Variants in DGAT1 observed in about 807,000 individuals in gnomAD.
The protein encoded by DGAT1 is ACAT related gene product 1.
Under a neutral mutation model 72.6 loss-of-function variants are expected in DGAT1, and 60 were observed. That is an observed-to-expected ratio of 0.83 (90% CI 0.67 to 1.02). The LOEUF is 1.02. Ranked by LOEUF, DGAT1 falls within the 50% of genes least tolerant of loss-of-function variation. The pLI is 0.00. For missense variants in DGAT1, 592 were observed against 670.0 expected (o/e 0.88, Z 1.29); for synonymous variants, 290 against 267.5 (o/e 1.08, Z -0.82).
At chr8:144,321,484 C>T in intron 1 of DGAT1, 76 bp from the exon 2 acceptor site, 1 of 1,349,816 alleles carries the variant, frequency 7.4e-7, no homozygotes, top group South Asian at 1.2e-5. Flanking sequence ...TCCAGGCCCC[C>T]ACCCCAGTGT....
intron 1 of DGAT1, among the ~76,000 whole-genome samples, chr8:144,323,057 C>T (rs1316760239): frequency 1.3e-5 from 2 of 152,194 alleles, no homozygotes; most frequent in Non-Finnish European, 2.9e-5. Context: ...GGGGGCCTCT[C>T]CACTGCCCCC....
At chr8:144,319,930 G>A (rs1817398302) in intron 2 of DGAT1, among the ~76,000 whole-genome samples, 1 of 152,194 alleles carries the variant, frequency 6.6e-6, no homozygotes, top group Admixed American at 6.5e-5. Context: ...GAACACTGAG[G>A]GTGTCTTGCC....
intron 2 of DGAT1, among the ~76,000 whole-genome samples, chr8:144,320,683 G>C (rs1053035789): frequency 6.6e-6 from 1 of 152,056 alleles, no homozygotes; most frequent in Admixed American, 6.5e-5. Flanking sequence ...ACCCCACGAA[G>C]TGCCAGTGGG....
In DGAT1 at chr8:144,316,526, AGT is replaced by A. The variant is rs1817228807; in HGVS notation, c.*26_*27del. ...GCTCTGGCAGCGGGTGTGAGGTGGC[AGT>A]GAGAAGCCAGGCCCTCAGGTGCAGC... On this transcript the variant is annotated 3_prime_UTR_variant, in exon 17 of 17. Transcript: ENST00000528718. The A allele has an allele frequency of 6.4e-7, 1 of 1,560,540 alleles. No homozygotes were observed. Among genetic ancestry groups the A allele is most frequent in the Non-Finnish European group, 8.7e-7 (1 of 1,151,340 alleles).
At chr8:144,319,001 G>A (rs782357723) in intron 3 of DGAT1, 27 bp downstream of exon 3, 1 of 1,559,236 alleles carries the variant, frequency 6.4e-7, no homozygotes, top group Non-Finnish European at 8.7e-7. Context: ...GGGTGGGGCA[G>A]GGGTGGGACC....
chr8:144,315,120 GGC>G lies in DGAT1; in HGVS notation c.*1432_*1433del, dbSNP rs1206531901. On this transcript the variant is annotated 3_prime_UTR_variant, in exon 17 of 17. Transcript: ENST00000528718. ...TCAGCCTGGTGGAGGAAGGGAAGGG[GGC>G]CTGCGCTGGGCAGTGGAGCAGGCTT... 1.0e-6 allele frequency: 1 copy of G among 985,434 alleles called. No homozygotes were observed. The highest frequency in any genetic ancestry group is 1.2e-6 in the Non-Finnish European group (1 of 829,996). 61.0% of individuals were successfully genotyped at this position (985,434 alleles called of 1,614,324 possible). A position where few individuals can be genotyped will look rare whatever the true frequency, so the allele number is the denominator to read the frequency against.
At position 144,314,758 on chromosome 8, in the gene DGAT1, C is replaced by T. The variant is rs550135154; in HGVS notation, c.*1796G>A. The T allele has an allele frequency of 2.8e-5, 7 of 246,362 alleles. No individual in the cohort carries two copies. Among genetic ancestry groups the T allele is most frequent in the Admixed American group, 1.1e-4 (2 of 18,394 alleles). 15.3% of individuals were successfully genotyped at this position (246,362 alleles called of 1,614,324 possible). On this transcript the variant is annotated 3_prime_UTR_variant, in exon 17 of 17. Coordinates refer to ENST00000528718, the MANE Select transcript of DGAT1 (RefSeq NM_012079.6). ...GTGTTTCCTCTGTCCCAGGGTGGTG[C>T]GGTGGGTGGTGCTGCAATGAGGAGG...
intron 3 of DGAT1, 38 bp downstream of exon 3, chr8:144,318,990 T>C: frequency 2.4e-6 from 2 of 828,558 alleles, no homozygotes; most frequent in South Asian, 1.6e-5. Flanking sequence ...GGACAGGCCA[T>C]GGGTGGGGCA....
Position 144,315,276 on chromosome 8 carries a change from C to T in DGAT1, c.*1278G>A. On this transcript the variant is annotated 3_prime_UTR_variant, in exon 17 of 17. Coordinates refer to ENST00000528718, the MANE Select transcript of DGAT1 (RefSeq NM_012079.6). ...CATCCCCCCACCAGGAGCTCACCCA[C>T]TACTGCCATCCTCAGCAGGGCCCAA... 3 of 985,542 alleles carry T rather than the reference C, an allele frequency of 3.0e-6. No individual in the cohort carries two copies. The highest frequency in any genetic ancestry group is 2.4e-6 in the Non-Finnish European group (2 of 829,978). 61.0% of individuals were successfully genotyped at this position (985,542 alleles called of 1,614,324 possible).
In DGAT1 at chr8:144,315,383, C is replaced by A; in HGVS notation, c.*1171G>T. ...ACCAAGGGAGCCCACCCTCCCCTCA[C>A]ACCACCAGTTCAGCAGGTTGCTGAT... is the stretch of plus-strand genomic sequence containing the variant. On this transcript the variant is annotated 3_prime_UTR_variant, in exon 17 of 17. Coordinates refer to ENST00000528718, the MANE Select transcript of DGAT1 (RefSeq NM_012079.6). 1.0e-6 allele frequency: 1 copy of A among 985,356 alleles called. No homozygotes were observed. The highest frequency in any genetic ancestry group is 1.2e-6 in the Non-Finnish European group (1 of 829,832). The allele number at this position is 985,356 out of a possible 1,614,324, so 61.0% of individuals were successfully genotyped here.
At chr8:144,318,061 G>T in intron 8 of DGAT1, 34 bp downstream of exon 8, 2 of 1,520,014 alleles carry the variant, frequency 1.3e-6, no homozygotes, top group Non-Finnish European at 1.8e-6. Context: ...GGCCCAGCCT[G>T]TCCCCCGCAC....
In DGAT1 at chr8:144,317,936, A is replaced by C; in HGVS notation, c.833T>G (p.Leu278Arg). 1 of 1,520,640 alleles carries C rather than the reference A, an allele frequency of 6.6e-7. No homozygotes were observed. The highest frequency in any genetic ancestry group is 8.8e-7 in the Non-Finnish European group (1 of 1,136,354). 94.2% of individuals were successfully genotyped at this position (1,520,640 alleles called of 1,614,324 possible). ...PRSPRIRKRF[L>R]LRRILEMLFF... Reference sequence around the variant, plus strand: ...CACCATCTCAAGGATCCGTCGCAGCAGAAAGCGCTTCCGGATGCGGGGAGA... The same window carrying C: ...CACCATCTCAAGGATCCGTCGCAGCCGAAAGCGCTTCCGGATGCGGGGAGA... The change falls in exon 9 of 17, where the codon CTG becomes CGG. Residue 278 changes from leucine (L) to arginine (R), a missense_variant. Physicochemically the swap from Leu to Arg is moderately radical, Grantham distance 102. Transcript: ENST00000528718.
chr8:144,316,752 G>A (rs782176053), intron 16 of DGAT1, 43 bp from the exon 17 acceptor site: 1 of 1,603,482 alleles, frequency 6.2e-7, no homozygotes, highest in Non-Finnish European at 8.5e-7. Flanking sequence ...GGTGACCACA[G>A]GGCTGGGGGC....
At chr8:144,320,450 G>T (rs1210479831) in intron 2 of DGAT1, among the ~76,000 whole-genome samples, 3 of 152,218 alleles carry the variant, frequency 2.0e-5, no homozygotes, top group Non-Finnish European at 2.9e-5. Context: ...ACCATGGGCG[G>T]TGGGGGATGT....
rs1817351557 is a variant in DGAT1 at position 144,318,871 on chromosome 8, C to T, written c.379G>A (p.Asp127Asn). The change falls in exon 4 of 17, where the codon GAT (aspartate) becomes AAT (asparagine). Residue 127 changes from aspartate (D) to asparagine (N), a missense_variant. Physicochemically the swap from Asp to Asn is conservative, Grantham distance 23 (BLOSUM62 1). Coordinates refer to ENST00000528718, the MANE Select transcript of DGAT1 (RefSeq NM_012079.6). The stretch of plus-strand genomic sequence containing the variant: ...CATGGGGCGGGCCAGCTATAGGGAT[C>T]CTTCAGGAACAGAGAAACCACCTGG... ...PIQVVSLFLK[D>N]PYSWPAPCLV... 1 of 1,611,786 alleles carries T rather than the reference C, an allele frequency of 6.2e-7. No homozygotes were observed. Among genetic ancestry groups the T allele is most frequent in the Non-Finnish European group, 8.5e-7 (1 of 1,178,878 alleles).
chr8:144,321,413 CAG>C lies in DGAT1; in HGVS notation c.201-7_201-6del. ...GAATCCTGCAGGCGATGGCACCTGACAGAGCACAACACAAGCACCCCCTGAGT... is the reference window on the plus strand; with the variant it reads ...GAATCCTGCAGGCGATGGCACCTGACAGCACAACACAAGCACCCCCTGAGT... On this transcript the variant is annotated splice_region_variant and splice_polypyrimidine_tract_variant and intron_variant, in intron 1 of 16. Coordinates refer to ENST00000528718, the MANE Select transcript of DGAT1 (RefSeq NM_012079.6). 1 of 1,613,670 alleles carries C rather than the reference CAG, an allele frequency of 6.2e-7. No homozygotes were observed. Among genetic ancestry groups the C allele is most frequent in the Non-Finnish European group, 8.5e-7 (1 of 1,179,804 alleles).
In DGAT1 at chr8:144,326,494, G is replaced by T; in HGVS notation, c.143C>A (p.Ala48Asp). The change falls in exon 1 of 17, where the codon GCC becomes GAC. Residue 48 changes from alanine to aspartate, a missense_variant. By Grantham distance (126) the Ala-to-Asp change is moderately radical (BLOSUM62 -2). Transcript: ENST00000528718. ...GTCTCCGTCCTTGTTGGGGGCCGGGGCTGGCGCGTCCCCCGCGGCTCCCAC... is the reference window on the plus strand; with the variant it reads ...GTCTCCGTCCTTGTTGGGGGCCGGGTCTGGCGCGTCCCCCGCGGCTCCCAC... ...PDVGAAGDAPAPAPNKDGDAG... is the reference protein window; with the variant it reads ...PDVGAAGDAPDPAPNKDGDAG... 1 of 1,290,844 alleles carries T rather than the reference G, an allele frequency of 7.7e-7. No homozygotes were observed. The allele number at this position is 1,290,844 out of a possible 1,614,324, so 80.0% of individuals were successfully genotyped here. A position where few individuals can be genotyped will look rare whatever the true frequency, so the allele number is the denominator to read the frequency against.
chr8:144,318,563 C>T lies in DGAT1; in HGVS notation c.472G>A (p.Ala158Thr), dbSNP rs1554847676. The T allele has an allele frequency of 6.8e-6, 11 of 1,611,840 alleles. No individual in the cohort carries two copies. The highest frequency in any genetic ancestry group is 1.3e-5 in the African/African-American group (1 of 75,040). The change falls in exon 6 of 17, where the codon GCC becomes ACC. Residue 158 changes from alanine (A) to threonine (T), a missense_variant. Transcript: ENST00000528718. ...FQVEKRLAVGALTEQAGLLLH... is the reference protein window; with the variant it reads ...FQVEKRLAVGTLTEQAGLLLH... ...AGCAGTCCCGCCTGCTCCGTCAGGG[C>T]ACCCTGGAGTGGGGAGCAGAGCACT... is the stretch of plus-strand genomic sequence containing the variant.
intron 1 of DGAT1, among the ~76,000 whole-genome samples, chr8:144,322,371 G>T (rs1205133462): frequency 6.6e-6 from 1 of 152,218 alleles, no homozygotes; most frequent in African/African-American, 2.4e-5. Context: ...CCTCAACTTT[G>T]TAAGAGGAGA....
Sources: allele counts gnomAD v4.1 joint callset (sites outside exome capture counted in the v4.1 genomes callset), GRCh38; gene constraint gnomAD v4.1.1; transcripts MANE v1.5; gene names NCBI Gene and HGNC (gene_info 2026-07-23, HGNC 2026-07-21).